The following RGS5 variants were observed in gnomAD, a reference collection of about 807,000 sequenced individuals.
RGS5 encodes regulator of G-protein signalling 5.
RGS5 carries 20 observed loss-of-function variants against 18.9 expected under a neutral mutation model. The observed-to-expected ratio is 1.06, with a 90% confidence interval of 0.74 to 1.54. The LOEUF (loss-of-function observed/expected upper bound fraction) is 1.54. RGS5 is among the 40% of genes most tolerant of loss of function. The probability of loss-of-function intolerance (pLI) is 0.00; values close to 1 mark genes in which losing one functional copy is unlikely to be tolerated. For synonymous variants in RGS5, 57 were observed against 76.2 expected (o/e 0.75, Z 1.31); for missense variants, 201 against 211.8 (o/e 0.95, Z 0.32).
At chr1:163,315,593 C>G (rs766717410) in intron 1 of RGS5, among the ~76,000 whole-genome samples, 1 of 152,086 alleles carries the variant, frequency 6.6e-6, no homozygotes, top group African/African-American at 2.4e-5. Context: ...TTGTTTAGAG[C>G]TCATCACAAA....
rs1049849643 is a variant in RGS5 at position 163,289,445 on chromosome 1, T to A, written c.-281+16788A>T. On this transcript the variant is annotated intron_variant, in intron 2 of 5. Transcript: ENST00000618415. The stretch of plus-strand genomic sequence containing the variant: ...TTTCAAATCTAGAGAACGCATGAAA[T>A]GAATGGCTGTCTAATGAGACAGTAA... Among the ~76,000 whole-genome samples the A allele has an allele frequency of 2.6e-5, 4 of 152,146 alleles. No homozygotes were observed. In the East Asian group the frequency reaches 7.8e-4, roughly 30 times the overall value.
intron 1 of RGS5, among the ~76,000 whole-genome samples, chr1:163,174,345 C>T (rs996504498): frequency 3.3e-5 from 5 of 152,198 alleles, no homozygotes; most frequent in African/African-American, 9.6e-5. Flanking sequence ...ACAGCTTCAG[C>T]ACTTAGCACA....
At chr1:163,287,229 A>G (rs754169210) in intron 2 of RGS5, among the ~76,000 whole-genome samples, 2 of 152,200 alleles carry the variant, frequency 1.3e-5, no homozygotes, top group African/African-American at 2.4e-5. Context: ...TTGCCTTAAC[A>G]CTAGACAGTT....
chr1:163,294,201 C>T (rs1301849634), intron 2 of RGS5, among the ~76,000 whole-genome samples: 2 of 152,230 alleles, frequency 1.3e-5, no homozygotes, highest in East Asian at 3.9e-4. Context: ...TTCCTTTCTG[C>T]ATTGCCCTAG....
At chr1:163,318,352 T>C (rs1312370119) in intron 1 of RGS5, among the ~76,000 whole-genome samples, 1 of 152,112 alleles carries the variant, frequency 6.6e-6, no homozygotes, top group Admixed American at 6.6e-5. Flanking sequence ...GTGAAATAGA[T>C]TTACATTTGA....
upstream of RGS5, among the ~76,000 whole-genome samples, chr1:163,221,749 C>A (rs771857052): frequency 6.6e-6 from 1 of 152,180 alleles, no homozygotes; most frequent in Non-Finnish European, 1.5e-5. Context: ...ACAGCAGCTG[C>A]AGTTGGAGTT....
chr1:163,300,571 C>T (rs1649528035), intron 2 of RGS5: 1 of 152,168 alleles, frequency 6.6e-6, no homozygotes, highest in Admixed American at 6.6e-5. Flanking sequence ...TTTCTAGCAG[C>T]TCTTTTAAGA....
At chr1:163,277,162 T>G (rs917198222) in intron 2 of RGS5, among the ~76,000 whole-genome samples, 3 of 152,212 alleles carry the variant, frequency 2.0e-5, no homozygotes, top group African/African-American at 7.2e-5. Context: ...AGATAATAAC[T>G]TAACTCTTTC....
chr1:163,307,672 CT>C (rs1002396204), intron 1 of RGS5, among the ~76,000 whole-genome samples: 1 of 151,802 alleles, frequency 6.6e-6, no homozygotes, highest in African/African-American at 2.4e-5. Context: ...GTGATGAGAT[CT>C]GCGGCCAAAA....
rs1403323567 is a variant in RGS5 at position 163,142,816 on chromosome 1, G to A, written c.*4526C>T. ...AGGAAGGGAGGAACAGGGGCAAGGT[G>A]GGGAGGAAAAAAATACCTCAGGTGA... On this transcript the variant is annotated 3_prime_UTR_variant, in exon 5 of 5. Transcript: ENST00000313961. 1 of 152,070 alleles carries A rather than the reference G, an allele frequency of 6.6e-6. No homozygotes were observed. Among genetic ancestry groups the A allele is most frequent in the African/African-American group, 2.4e-5 (1 of 41,404 alleles). 9.4% of individuals were successfully genotyped at this position (152,070 alleles called of 1,614,324 possible). A position where few individuals can be genotyped will look rare whatever the true frequency, so the allele number is the denominator to read the frequency against.
intron 1 of RGS5, among the ~76,000 whole-genome samples, chr1:163,180,848 C>T (rs1295596599): frequency 6.6e-6 from 1 of 151,926 alleles, no homozygotes; most frequent in Non-Finnish European, 1.5e-5. Context: ...GTGCCCGTCA[C>T]TACGCCCGGC....
rs569367917 is a variant in RGS5 at position 163,149,863 on chromosome 1, G to A, written c.385-2360C>T. Among the ~76,000 whole-genome samples the A allele has an allele frequency of 2.0e-5, 3 of 152,182 alleles. No individual in the cohort carries two copies. In the South Asian group the frequency reaches 6.2e-4, roughly 32 times the overall value. On this transcript the variant is annotated intron_variant, in intron 4 of 4. Coordinates refer to ENST00000313961, the MANE Select transcript of RGS5 (RefSeq NM_003617.4). ...TTTACATCAAAATACAAAAGTTGGA[G>A]AATTTTTTAAGTAATAAAAGCTATG...
At chr1:163,316,583 CAAA>C (rs11365345) in intron 1 of RGS5, among the ~76,000 whole-genome samples, 3 of 143,830 alleles carry the variant, frequency 2.1e-5, no homozygotes, top group African/African-American at 2.6e-5. Context: ...GACCCTATCT[CAAA>C]AAAAAAAAAA....
At chr1:163,222,764 T>G (rs566407207) in intron 2 of RGS5, among the ~76,000 whole-genome samples, 24 of 152,318 alleles carry the variant, frequency 1.6e-4, no homozygotes, top group African/African-American at 5.5e-4. Context: ...GGTTCTTTGT[T>G]GAGATGACCG....
chr1:163,247,712 T>C (rs1485943061), intron 2 of RGS5, among the ~76,000 whole-genome samples: 1 of 152,056 alleles, frequency 6.6e-6, no homozygotes, highest in Non-Finnish European at 1.5e-5. Context: ...CCTTTTCTTC[T>C]AGAAAAATGG....
chr1:163,205,325 T>C (rs1659921280), upstream of RGS5, among the ~76,000 whole-genome samples: 1 of 140,092 alleles, frequency 7.1e-6, no homozygotes, highest in Non-Finnish European at 1.5e-5. Context: ...TAGTTTGTGT[T>C]ACGTGTTTTT....
At chr1:163,241,503 C>G (rs773446454) in intron 2 of RGS5, among the ~76,000 whole-genome samples, 1 of 152,100 alleles carries the variant, frequency 6.6e-6, no homozygotes, top group Non-Finnish European at 1.5e-5. Flanking sequence ...ATTGTTTTTC[C>G]ACCCCATGTT....
In RGS5 at chr1:163,199,655, C is replaced by A. The variant is rs1011650901; in HGVS notation, c.44+3137G>T. Among the ~76,000 whole-genome samples, 9 of 152,216 alleles carry A rather than the reference C, an allele frequency of 5.9e-5. No individual in the cohort carries two copies. In the East Asian group the frequency reaches 9.7e-4, roughly 16 times the overall value. On this transcript the variant is annotated intron_variant, in intron 1 of 4. Transcript: ENST00000313961. ...TTCCCCTTACAGGAAGCAAATTATT[C>A]TTATAATTGCTTTCTTATAAATCAG...
chr1:163,244,983 C>T (rs953014152), intron 2 of RGS5: 3 of 152,198 alleles, frequency 2.0e-5, no homozygotes, highest in Non-Finnish European at 4.4e-5. Flanking sequence ...ATTCTTCTCC[C>T]TGGCTTCCGT....
Sources: allele counts gnomAD v4.1 joint callset (sites outside exome capture counted in the v4.1 genomes callset), GRCh38; gene constraint gnomAD v4.1.1; transcripts MANE v1.5; gene names NCBI Gene and HGNC (gene_info 2026-07-23, HGNC 2026-07-21).